The following SURF4 variants were observed in gnomAD, a reference collection of about 807,000 sequenced individuals.
SURF4 encodes the protein surfeit 4, also known as surfeit locus protein 4.
A neutral mutation model predicts 30.0 loss-of-function variants in SURF4; 3 were observed. The observed-to-expected ratio is 0.10, with a 90% CI of 0.05 to 0.26. SURF4 has a LOEUF of 0.26. SURF4 is among the 10% of genes least tolerant of loss of function. The pLI, the probability that SURF4 is intolerant of heterozygous loss-of-function variation, is 1.00. For missense variants in SURF4, 217 were observed against 350.8 expected (o/e 0.62, Z 3.05); for synonymous variants, 143 against 139.9 (o/e 1.02, Z -0.16).
At chr9:133,364,745 TA>T (rs1173497905) in intron 5 of SURF4, 94 bp downstream of exon 5, 23 of 1,246,608 alleles carry the variant, frequency 1.8e-5, no homozygotes, top group Middle Eastern at 4.8e-4. Flanking sequence ...AGGCTGTGGT[TA>T]ATACCCAACC....
At chr9:133,367,212 T>C in intron 2 of SURF4, 47 bp downstream of exon 2, 2 of 1,597,384 alleles carry the variant, frequency 1.3e-6, no homozygotes. Flanking sequence ...CTAACGATCA[T>C]GGAACAAGAC....
intron 1 of SURF4, among the ~76,000 whole-genome samples, chr9:133,371,991 A>C (rs2119165514): frequency 6.6e-6 from 1 of 152,352 alleles, no homozygotes; most frequent in South Asian, 2.1e-4. Context: ...TTAAGTGCTA[A>C]TATTGCTGTT....
chr9:133,366,321 C>T (rs961817513), intron 3 of SURF4, among the ~76,000 whole-genome samples: 3 of 152,180 alleles, frequency 2.0e-5, no homozygotes, highest in African/African-American at 7.2e-5. Flanking sequence ...TATGAAGCAA[C>T]GTGATAACAA....
At chr9:133,374,910 T>C (rs1837778801) in intron 1 of SURF4, among the ~76,000 whole-genome samples, 1 of 152,110 alleles carries the variant, frequency 6.6e-6, no homozygotes, top group African/African-American at 2.4e-5. Context: ...TAACCATCAC[T>C]ACTTAAAACT....
Position 133,363,841 on chromosome 9 carries a change from C to A in SURF4, c.544-82G>T. ...ATAAACAAAAGTTCCAGCTGCTGCA[C>A]GTCATGAAGTCTCTATCCATCAGGC... On this transcript the variant is annotated intron_variant, in intron 5 of 5. Transcript: ENST00000371989. This position sits in a 1 kb window ranked among gnomAD's most constrained non-coding sequence, Gnocchi z 4.3. The A allele has an allele frequency of 6.5e-7, 1 of 1,537,078 alleles. No homozygotes were observed. Among genetic ancestry groups the A allele is most frequent in the South Asian group, 1.1e-5 (1 of 87,624 alleles).
chr9:133,368,825 C>G (rs1341302456), intron 1 of SURF4, among the ~76,000 whole-genome samples: 1 of 152,112 alleles, frequency 6.6e-6, no homozygotes, highest in African/African-American at 2.4e-5. Flanking sequence ...CACAGCAAGT[C>G]CTTCGGAGAA....
intron 1 of SURF4, among the ~76,000 whole-genome samples, chr9:133,369,563 A>G (rs145952100): frequency 9.1e-4 from 138 of 152,292 alleles, no homozygotes; most frequent in African/African-American, 2.7e-3. Context: ...TTTTAGGGCC[A>G]ATGCAGAGAA....
intron 1 of SURF4, 103 bp downstream of exon 1, chr9:133,375,819 G>T: frequency 8.8e-7 from 1 of 1,140,172 alleles, no homozygotes; most frequent in Non-Finnish European, 1.1e-6. Context: ...AAGGAGTCAG[G>T]GGGCGGCCCG....
intron 3 of SURF4, among the ~76,000 whole-genome samples, chr9:133,366,325 A>T (rs1837170517): frequency 6.6e-6 from 1 of 152,216 alleles, no homozygotes; most frequent in Admixed American, 6.5e-5. Flanking sequence ...AAGCAACGTG[A>T]TAACAAGACA....
In SURF4 at chr9:133,364,981, G is replaced by T; in HGVS notation, c.402C>A (p.Ser134=). 6.2e-7 allele frequency: 1 copy of T among 1,606,290 alleles called. No individual in the cohort carries two copies. The highest frequency in any genetic ancestry group is 8.5e-7 in the Non-Finnish European group (1 of 1,175,830). ...CAAACATGCTCTTCCCTTCAGAACG[G>T]GATTCTGCTAGGAGCAGCAACAGGC... ...GGGLLLLLAE[S]RSEGKSMFAG... Residue 134 remains serine (S), a synonymous_variant, in exon 5 of 6, where the codon TCC becomes TCA. Transcript: ENST00000371989.
At chr9:133,368,985 C>T (rs149288793) in intron 1 of SURF4, among the ~76,000 whole-genome samples, 6 of 152,290 alleles carry the variant, frequency 3.9e-5, no homozygotes, top group Admixed American at 3.3e-4. Context: ...GGAAGATATG[C>T]GTGTTTCTTA....
intron 1 of SURF4, among the ~76,000 whole-genome samples, chr9:133,372,043 C>G (rs2130193908): frequency 0.056 from 8,560 of 152,322 alleles, 334 homozygotes; most frequent in Non-Finnish European, 0.087. Context: ...TACAGAGTGT[C>G]TAATAGGCAA....
chr9:133,373,909 C>CAAAAAAAAAAAAAAAAA (rs71824689), intron 1 of SURF4, among the ~76,000 whole-genome samples: 54 of 47,556 alleles, frequency 1.1e-3, no homozygotes, highest in Non-Finnish European at 1.4e-3. Flanking sequence ...AATTCTGTCT[C>CAAAAAAAAAAAAAAAAA]AAAAAAAAAA....
intron 1 of SURF4, among the ~76,000 whole-genome samples, chr9:133,374,505 G>A (rs1264780390): frequency 6.6e-6 from 1 of 152,134 alleles, no homozygotes; most frequent in African/African-American, 2.4e-5. Context: ...AGGTTGTGGT[G>A]TGCTGAGATC....
intron 1 of SURF4, chr9:133,372,550 T>C: frequency 2.1e-6 from 2 of 967,258 alleles, no homozygotes; most frequent in Non-Finnish European, 2.5e-6. Flanking sequence ...ATTGTCATAA[T>C]ACTGGAAGAC....
Position 133,375,980 on chromosome 9 carries a change from G to C in SURF4, c.-11C>G, listed in dbSNP as rs1188114897. The stretch of plus-strand genomic sequence containing the variant: ...GTCGTTCTGGCCCATGGCGACGGCG[G>C]GAGGCTCGGCTCGGCTCGCTCGCTC... On this transcript the variant is annotated 5_prime_UTR_variant, in exon 1 of 6. Transcript: ENST00000371989. 2 of 1,228,024 alleles carry C rather than the reference G, an allele frequency of 1.6e-6. No homozygotes were observed. The highest frequency in any genetic ancestry group is 2.0e-6 in the Non-Finnish European group (2 of 981,934). 76.1% of individuals were successfully genotyped at this position (1,228,024 alleles called of 1,614,324 possible).
upstream of SURF4, chr9:133,376,370 G>A (rs2130247008): frequency 5.9e-3 from 8,234 of 1,401,652 alleles, 30 homozygotes; most frequent in South Asian, 7.6e-3. Context: ...ACGCCTGAGT[G>A]CCTCGAGGGC....
chr9:133,367,900 A>C (rs1465328147), intron 1 of SURF4, among the ~76,000 whole-genome samples: 1 of 152,218 alleles, frequency 6.6e-6, no homozygotes, highest in African/African-American at 2.4e-5. Flanking sequence ...ACGTTTCTGC[A>C]CCTCAGCACT....
intron 1 of SURF4, chr9:133,367,661 A>G: frequency 7.5e-7 from 1 of 1,340,312 alleles, no homozygotes; most frequent in Non-Finnish European, 9.9e-7. Flanking sequence ...CAATCCAAGG[A>G]TCAGTCCCGG....
Sources: allele counts gnomAD v4.1 joint callset (sites outside exome capture counted in the v4.1 genomes callset), GRCh38; gene constraint gnomAD v4.1.1; non-coding constraint Gnocchi (gnomAD v3.1); transcripts MANE v1.5; gene names NCBI Gene and HGNC (gene_info 2026-07-23, HGNC 2026-07-21).